Variants in RAB19 observed in about 807,000 individuals in gnomAD.
The protein encoded by RAB19 is ras-related protein Rab-19.
A neutral mutation model predicts 17.3 loss-of-function variants in RAB19; 21 were observed. That is an observed-to-expected ratio of 1.21 (90% CI 0.86 to 1.74). The LOEUF (loss-of-function observed/expected upper bound fraction) is 1.74, where lower values mean the gene tolerates loss of function less well. Ranked by LOEUF, RAB19 falls within the 40% of genes most tolerant of loss-of-function variation. The pLI is 0.00. For synonymous variants in RAB19, 126 were observed against 110.4 expected (o/e 1.14, Z -0.88); for missense variants, 277 against 286.8 (o/e 0.97, Z 0.25).
At chr7:140,407,057 G>C (rs558663953) in intron 1 of RAB19, among the ~76,000 whole-genome samples, 118 of 152,174 alleles carry the variant, frequency 7.8e-4, no homozygotes, top group African/African-American at 2.7e-3. Context: ...AGCTAACTTT[G>C]TATTTTTAGT....
At chr7:140,421,122 A>T (rs1799555031) in intron 3 of RAB19, among the ~76,000 whole-genome samples, 1 of 151,848 alleles carries the variant, frequency 6.6e-6, no homozygotes, top group African/African-American at 2.4e-5. Flanking sequence ...TGAACCCCTG[A>T]CCTCATGATC....
intron 3 of RAB19, among the ~76,000 whole-genome samples, chr7:140,417,311 C>T (rs916071402): frequency 6.7e-6 from 1 of 150,354 alleles, no homozygotes; most frequent in African/African-American, 2.5e-5. Context: ...CTGAGGTGGG[C>T]ACATTGCTTG....
intron 1 of RAB19, among the ~76,000 whole-genome samples, chr7:140,405,211 TTTTGTTTGTTTG>T (rs61483734): frequency 2.0e-5 from 3 of 150,180 alleles, no homozygotes; most frequent in Non-Finnish European, 4.4e-5. Flanking sequence ...GGTTTTGTGT[TTTTGTTTGTTTG>T]TTTGTTTGTT....
intron 3 of RAB19, among the ~76,000 whole-genome samples, chr7:140,414,911 AC>A (rs1403376395): frequency 6.6e-6 from 1 of 151,652 alleles, no homozygotes; most frequent in Non-Finnish European, 1.5e-5. Flanking sequence ...CCCATGTAAA[AC>A]CCTCAGAGGC....
chr7:140,416,430 G>C (rs1799459333), intron 3 of RAB19, among the ~76,000 whole-genome samples: 1 of 152,184 alleles, frequency 6.6e-6, no homozygotes, highest in Non-Finnish European at 1.5e-5. Flanking sequence ...GGTTACAGCT[G>C]CCCAGGAGTG....
intron 2 of RAB19, among the ~76,000 whole-genome samples, chr7:140,408,112 TC>T (rs1394473295): frequency 1.2e-4 from 18 of 151,200 alleles, no homozygotes; most frequent in African/African-American, 4.4e-4. Context: ...GGTTTCTATC[TC>T]CTGACCTCAT....
chr7:140,425,787 C>A, intron 3 of RAB19, 95 bp from the exon 4 acceptor site: 6 of 1,297,896 alleles, frequency 4.6e-6, no homozygotes, highest in Non-Finnish European at 6.4e-6. Context: ...TGCATGCATG[C>A]CTATTGAAGA....
In RAB19 at chr7:140,411,316, T is replaced by C. The variant is rs1269947571; in HGVS notation, c.202-558T>C. ...TCGGGAGGCTGAGGCAGGAGAATGG[T>C]GTGAACCTGGGAGGCGGAGCTTGCA... On this transcript the variant is annotated intron_variant, in intron 2 of 3. Coordinates refer to ENST00000537763, the MANE Select transcript of RAB19 (RefSeq NM_001008749.3). Among the ~76,000 whole-genome samples the C allele has an allele frequency of 2.0e-5, 3 of 152,044 alleles. No homozygotes were observed. The East Asian group carries it at 5.8e-4, about 29-fold the overall frequency.
At chr7:140,412,588 G>A (rs866848143) in intron 3 of RAB19, among the ~76,000 whole-genome samples, 3 of 150,622 alleles carry the variant, frequency 2.0e-5, no homozygotes, top group East Asian at 2.0e-4. Context: ...GGCTGGTCTC[G>A]AACTCCTGGG....
Position 140,411,966 on chromosome 7 carries a change from C to A in RAB19, c.294C>A (p.Asp98Glu), listed in dbSNP as rs1434904933. The A allele has an allele frequency of 3.7e-6, 6 of 1,614,070 alleles. No individual in the cohort carries two copies. The highest frequency in any genetic ancestry group is 2.2e-5 in the East Asian group (1 of 44,890). The change falls in exon 3 of 4, where the codon GAC becomes GAA. Residue 98 changes from aspartate (D) to glutamate (E), a missense_variant. Transcript: ENST00000537763. ...RSAHAAIIAYDLTRRSTFESI... is the reference protein window; with the variant it reads ...RSAHAAIIAYELTRRSTFESI... ...CCCACGCAGCCATCATCGCCTATGA[C>A]CTCACCCGGCGGTCCACGTTCGAGT...
At chr7:140,407,954 T>G in intron 2 of RAB19, 107 bp downstream of exon 2, 1 of 849,822 alleles carries the variant, frequency 1.2e-6, no homozygotes. Flanking sequence ...AAGCTCCGCC[T>G]CCCGGGTTCA....
At chr7:140,412,994 T>C (rs1484182822) in intron 3 of RAB19, among the ~76,000 whole-genome samples, 1 of 151,882 alleles carries the variant, frequency 6.6e-6, no homozygotes, top group Non-Finnish European at 1.5e-5. Context: ...AGCGTGGTGG[T>C]GCACACCTGC....
intron 2 of RAB19, among the ~76,000 whole-genome samples, chr7:140,408,293 A>T (rs1480857365): frequency 6.6e-6 from 1 of 151,944 alleles, no homozygotes; most frequent in Non-Finnish European, 1.5e-5. Context: ...AAAACATGGG[A>T]GTATTTATTT....
rs1010222660 is a variant in RAB19, at chr7:140,426,693, C to A, written c.*543C>A. 4.1e-4 allele frequency among the ~76,000 whole-genome samples: 62 copies of A among 152,100 alleles called. No individual in the cohort carries two copies. The highest frequency in any genetic ancestry group is 1.4e-3 in the African/African-American group (60 of 41,416). On this transcript the variant is annotated 3_prime_UTR_variant, in exon 4 of 4. Transcript: ENST00000537763. ...AGGTCTTCACTTTGGGGAGCGAAGC[C>A]TTTTAGCAGAAATACCAGAAGTACC... is the stretch of plus-strand genomic sequence containing the variant.
At chr7:140,420,511 A>T (rs1799539308) in intron 3 of RAB19, among the ~76,000 whole-genome samples, 1 of 151,894 alleles carries the variant, frequency 6.6e-6, no homozygotes. Flanking sequence ...GGAAGGAGAG[A>T]ACGGAGGAAG....
intron 3 of RAB19, among the ~76,000 whole-genome samples, chr7:140,421,574 G>T (rs901287450): frequency 5.9e-5 from 9 of 152,088 alleles, no homozygotes; most frequent in African/African-American, 1.9e-4. Flanking sequence ...TGGCCAAGCT[G>T]GTCTGAACCT....
rs1437082644 is a variant in RAB19, at chr7:140,426,001, G to A, written c.505G>A (p.Glu169Lys). The A allele has an allele frequency of 6.2e-7, 1 of 1,614,108 alleles. No individual in the cohort carries two copies. The highest frequency in any genetic ancestry group is 1.1e-5 in the South Asian group (1 of 91,084). Residue 169 changes from glutamate to lysine, a missense_variant, in exon 4 of 4, where the codon GAA (glutamate) becomes AAA (lysine). Glu to Lys is a moderately conservative substitution (Grantham distance 56). Transcript: ENST00000537763. Reference sequence around the variant, plus strand: ...ATCTGCCAAGGAGTCAAAGAACATAGAAGAAGTCTTCGTGCTCATGGCCAA... The same window carrying A: ...ATCTGCCAAGGAGTCAAAGAACATAAAAGAAGTCTTCGTGCTCATGGCCAA... ...ETSAKESKNI[E>K]EVFVLMAKEL...
At chr7:140,411,049 G>A (rs1799350442) in intron 2 of RAB19, 2 of 1,367,754 alleles carry the variant, frequency 1.5e-6, no homozygotes, top group Non-Finnish European at 2.0e-6. Flanking sequence ...CCCCAAATCT[G>A]GACCAAGTGA....
chr7:140,406,438 G>A (rs993949509), intron 1 of RAB19, among the ~76,000 whole-genome samples: 3 of 151,426 alleles, frequency 2.0e-5, no homozygotes, highest in African/African-American at 4.9e-5. Flanking sequence ...TCAGGCATTC[G>A]AGACCAGCCT....
Sources: gnomAD v4.1 joint callset for allele counts (sites outside exome capture counted in the v4.1 genomes callset) on GRCh38, gnomAD v4.1.1 for gene constraint, MANE v1.5 for transcripts, NCBI Gene and HGNC (gene_info 2026-07-23, HGNC 2026-07-21) for gene names.